TAF4B: variants seen among roughly 807,000 people sequenced by gnomAD.
The protein encoded by TAF4B is TATA-box binding protein associated factor 4b.
In TAF4B, 38 loss-of-function variants were observed where a neutral mutation model predicts 86.4. The ratio of observed to expected loss-of-function variants is 0.44; its 90% CI spans 0.34 to 0.58. The LOEUF is 0.58. Among genes scored for constraint, TAF4B ranks in the 20% least tolerant of loss-of-function variants. TAF4B has a pLI of 0.02. For missense variants in TAF4B, 988 were observed against 1,027.6 expected (o/e 0.96, Z 0.53); for synonymous variants, 388 against 391.2 (o/e 0.99, Z 0.10).
At chr18:26,240,075 T>C (rs1402031697) in intron 1 of TAF4B, among the ~76,000 whole-genome samples, 4 of 152,226 alleles carry the variant, frequency 2.6e-5, no homozygotes, top group Non-Finnish European at 5.9e-5. Flanking sequence ...ATGCTGGCTC[T>C]TTTTTGGTTC....
intron 5 of TAF4B, among the ~76,000 whole-genome samples, chr18:26,276,060 A>G (rs2056380653): frequency 6.6e-6 from 1 of 151,940 alleles, no homozygotes; most frequent in South Asian, 2.1e-4. Context: ...GAATTATGAA[A>G]TCTCAGAAAG....
rs908343287 is a variant in TAF4B, at chr18:26,238,237, C to T, written c.343+10961C>T. On this transcript the variant is annotated intron_variant, in intron 1 of 14. Coordinates refer to ENST00000269142, the MANE Select transcript of TAF4B (RefSeq NM_005640.3). ...GCATTTTCTCCTGTTGGTATTGGGA[C>T]CTTACTCTTGTCCTATAAAGCTGAT... Among the ~76,000 whole-genome samples the T allele has an allele frequency of 2.6e-5, 4 of 152,120 alleles. No homozygotes were observed. In the South Asian group the frequency reaches 6.2e-4, roughly 24 times the overall value.
chr18:26,226,809 C>G lies in TAF4B; in HGVS notation c.-125C>G. ...GTCACTGACTTCGCTGCTGCGGCCC[C>G]CGCGCCTCTCCCCAGCGATGCTGTG... On this transcript the variant is annotated 5_prime_UTR_variant, in exon 1 of 15. Transcript: ENST00000269142. The G allele has an allele frequency of 1.3e-6, 1 of 744,022 alleles. No homozygotes were observed. The highest frequency in any genetic ancestry group is 3.4e-5 in the East Asian group (1 of 29,142). The allele number at this position is 744,022 out of a possible 1,614,324, so 46.1% of individuals were successfully genotyped here.
At chr18:26,359,755 C>G (rs1052933099) in intron 14 of TAF4B, among the ~76,000 whole-genome samples, 1 of 152,158 alleles carries the variant, frequency 6.6e-6, no homozygotes, top group African/African-American at 2.4e-5. Context: ...AGGTCTTGCT[C>G]TGTCACCCAG....
At chr18:26,227,748 C>A (rs2055600489) in intron 1 of TAF4B, among the ~76,000 whole-genome samples, 1 of 152,204 alleles carries the variant, frequency 6.6e-6, no homozygotes, top group Admixed American at 6.5e-5. Context: ...AACTCCTGGG[C>A]CCAATCGATC....
chr18:26,358,364 G>A (rs952945133), intron 14 of TAF4B, among the ~76,000 whole-genome samples: 1 of 152,140 alleles, frequency 6.6e-6, no homozygotes, highest in African/African-American at 2.4e-5. Context: ...GACCTTAATT[G>A]TTTGGTTAAC....
intron 14 of TAF4B, among the ~76,000 whole-genome samples, chr18:26,386,064 A>T (rs1363129335): frequency 6.6e-6 from 1 of 152,216 alleles, no homozygotes; most frequent in Non-Finnish European, 1.5e-5. Flanking sequence ...GGGGAAGAGA[A>T]TGCTATCACC....
At chr18:26,346,082 C>T (rs2057176590) in intron 13 of TAF4B, among the ~76,000 whole-genome samples, 1 of 152,156 alleles carries the variant, frequency 6.6e-6, no homozygotes, top group Non-Finnish European at 1.5e-5. Flanking sequence ...TATCCTCCCA[C>T]CTCAGCCTCC....
chr18:26,304,168 G>GTTTTTTT (rs5823508), intron 9 of TAF4B, among the ~76,000 whole-genome samples: 1 of 125,380 alleles, frequency 8.0e-6, no homozygotes, highest in Non-Finnish European at 1.6e-5. Context: ...TAGGTCGACT[G>GTTTTTTT]TTTTTTTTTT....
chr18:26,345,162 C>G (rs1049036378), intron 13 of TAF4B, among the ~76,000 whole-genome samples: 1 of 152,162 alleles, frequency 6.6e-6, no homozygotes, highest in African/African-American at 2.4e-5. Flanking sequence ...AGATAAGCTC[C>G]TGGTCTACCC....
At chr18:26,242,059 C>A (rs1449840968) in intron 1 of TAF4B, among the ~76,000 whole-genome samples, 1 of 152,148 alleles carries the variant, frequency 6.6e-6, no homozygotes, top group African/African-American at 2.4e-5. Context: ...AATGTATATT[C>A]TGTTGATTTG....
At chr18:26,315,161 T>TCTCTGTCTCTCTCTCTCACACACACA in intron 9 of TAF4B, 68 bp from the exon 10 acceptor site, 1 of 210,612 alleles carries the variant, frequency 4.7e-6, no homozygotes, top group South Asian at 1.7e-4. Flanking sequence ...TCTCTCTCTC[T>TCTCTGTCTCTCTCTCTCACACACACA]CACACACACA....
intron 11 of TAF4B, among the ~76,000 whole-genome samples, chr18:26,321,649 C>CA: frequency 1.3e-5 from 2 of 151,168 alleles, no homozygotes; most frequent in Non-Finnish European, 2.9e-5. Context: ...GTTAAAGATA[C>CA]ACATGTATAG....
chr18:26,250,078 C>T (rs1021619956), intron 1 of TAF4B, among the ~76,000 whole-genome samples: 5 of 152,128 alleles, frequency 3.3e-5, no homozygotes. Flanking sequence ...CTCTGTCCCC[C>T]AGGCTGAAGT....
chr18:26,389,733 A>C (rs1978594682), intron 14 of TAF4B, 112 bp from the exon 15 acceptor site: 40 of 1,112,992 alleles, frequency 3.6e-5, no homozygotes, highest in African/African-American at 4.8e-5. Flanking sequence ...CATTATCTCC[A>C]GTACCTAACC....
chr18:26,240,969 T>G (rs1462153551), intron 1 of TAF4B, among the ~76,000 whole-genome samples: 1 of 152,238 alleles, frequency 6.6e-6, no homozygotes, highest in Non-Finnish European at 1.5e-5. Flanking sequence ...TTTGATGTGC[T>G]GCTGGATTCG....
At chr18:26,234,201 G>A (rs954235745) in intron 1 of TAF4B, among the ~76,000 whole-genome samples, 1 of 152,172 alleles carries the variant, frequency 6.6e-6, no homozygotes, top group Non-Finnish European at 1.5e-5. Flanking sequence ...TCCTCCATAG[G>A]TATTCCTAAT....
intron 1 of TAF4B, among the ~76,000 whole-genome samples, chr18:26,261,282 G>C (rs2056163028): frequency 7.2e-6 from 1 of 139,582 alleles, no homozygotes; most frequent in Non-Finnish European, 1.6e-5. Flanking sequence ...CTCACTGCAA[G>C]CTCCGCCTCC....
In TAF4B at chr18:26,315,192, C is replaced by CACACACACAA. The variant is rs749841898; in HGVS notation, c.1833-36_1833-35insCACACACAAA. The CACACACACAA allele has an allele frequency of 2.1e-4, 276 of 1,333,446 alleles. 3 individuals carry two copies. The African/African-American group carries it at 4.4e-3, about 21-fold the overall frequency. The allele number at this position is 1,333,446 out of a possible 1,614,324, so 82.6% of individuals were successfully genotyped here. ...ACACACACACACACACACACACACA[C>CACACACACAA]AACCTAAAATGTATAACTTTTTTTT... On this transcript the variant is annotated intron_variant, in intron 9 of 14. Coordinates refer to ENST00000269142, the MANE Select transcript of TAF4B (RefSeq NM_005640.3).
Sources: gnomAD v4.1 joint callset for allele counts (sites outside exome capture counted in the v4.1 genomes callset) on GRCh38, gnomAD v4.1.1 for gene constraint, MANE v1.5 for transcripts, NCBI Gene and HGNC (gene_info 2026-07-23, HGNC 2026-07-21) for gene names.